The following SUCLG2 variants were observed in gnomAD, a reference collection of about 807,000 sequenced individuals.
The protein encoded by SUCLG2 is succinate-CoA ligase GDP-forming subunit beta, also known as succinate--CoA ligase [GDP-forming] subunit beta, mitochondrial.
In SUCLG2, 42 loss-of-function variants were observed where a neutral mutation model predicts 47.9. The ratio of observed to expected loss-of-function variants is 0.88; its 90% confidence interval spans 0.69 to 1.14. The LOEUF is 1.14. Ranked by LOEUF, SUCLG2 falls within the 50% of genes most tolerant of loss-of-function variation. The pLI is 0.00. For missense variants in SUCLG2, 571 were observed against 525.9 expected (o/e 1.09, Z -0.84); for synonymous variants, 195 against 197.3 (o/e 0.99, Z 0.10).
chr3:67,519,133 G>C (rs1229141192), intron 5 of SUCLG2, among the ~76,000 whole-genome samples: 1 of 152,024 alleles, frequency 6.6e-6, no homozygotes. Context: ...TCTTGTCTGA[G>C]TAGGTTTTCT....
intron 9 of SUCLG2, among the ~76,000 whole-genome samples, chr3:67,464,395 T>G (rs761835984): frequency 2.6e-5 from 4 of 152,194 alleles, no homozygotes; most frequent in Admixed American, 6.5e-5. Context: ...GATCTGGCAT[T>G]TCTTTCAAAT....
At chr3:67,437,697 G>T (rs1357891569) in intron 9 of SUCLG2, among the ~76,000 whole-genome samples, 1 of 151,842 alleles carries the variant, frequency 6.6e-6, no homozygotes, top group Non-Finnish European at 1.5e-5. Flanking sequence ...ATAAAATATG[G>T]ATTTAGGTGG....
At position 67,391,338 on chromosome 3, in the gene SUCLG2, C is replaced by T. The variant is rs145034185; in HGVS notation, c.1183+9393G>A. Among the ~76,000 whole-genome samples the T allele has an allele frequency of 5.3e-3, 803 of 152,142 alleles. 2 individuals carry two copies. The highest frequency in any genetic ancestry group is 0.018 in the African/African-American group (752 of 41,504). On this transcript the variant is annotated intron_variant, in intron 10 of 10. Coordinates refer to ENST00000307227, the MANE Select transcript of SUCLG2 (RefSeq NM_003848.4). The stretch of plus-strand genomic sequence containing the variant: ...GAGCCACAAATAGAAGAGTACAAAT[C>T]GTGTCCTTCTTAGCATGGACTCGGT...
chr3:67,620,164 A>G lies in SUCLG2; in HGVS notation c.85-10568T>C, dbSNP rs74611839. ...TGACATCCAAGATCTAGCAGTAATCAGCACAGACAAGTTCTTTGTGGTCAG... is the reference window on the plus strand; with the variant it reads ...TGACATCCAAGATCTAGCAGTAATCGGCACAGACAAGTTCTTTGTGGTCAG... On this transcript the variant is annotated intron_variant, in intron 1 of 10. Coordinates refer to ENST00000307227, the MANE Select transcript of SUCLG2 (RefSeq NM_003848.4). 2.5e-3 allele frequency among the ~76,000 whole-genome samples: 386 copies of G among 152,382 alleles called. 5 individuals carry two copies. Among genetic ancestry groups the G allele is most frequent in the African/African-American group, 9.0e-3 (373 of 41,590 alleles).
chr3:67,381,828 G>A (rs1239822930), intron 10 of SUCLG2, among the ~76,000 whole-genome samples: 3 of 152,106 alleles, frequency 2.0e-5, no homozygotes, highest in African/African-American at 7.2e-5. Context: ...TTAAAAATTC[G>A]TGACCTCCTT....
intron 2 of SUCLG2, among the ~76,000 whole-genome samples, chr3:67,551,422 C>T (rs1314758312): frequency 1.3e-5 from 2 of 152,280 alleles, no homozygotes; most frequent in Admixed American, 6.5e-5. Flanking sequence ...CCATGGCTGC[C>T]GCTAGTGCTG....
At chr3:67,521,886 T>C (rs1027936005) in intron 4 of SUCLG2, among the ~76,000 whole-genome samples, 3 of 152,074 alleles carry the variant, frequency 2.0e-5, no homozygotes, top group Non-Finnish European at 4.4e-5. Context: ...ACCAAACTGC[T>C]GGGATTACAG....
At chr3:67,487,785 G>A (rs1341199166) in intron 9 of SUCLG2, among the ~76,000 whole-genome samples, 3 of 152,162 alleles carry the variant, frequency 2.0e-5, no homozygotes, top group African/African-American at 7.2e-5. Flanking sequence ...AGCAATGCAT[G>A]TGAAAACCTT....
At chr3:67,397,693 A>C (rs1211257361) in intron 10 of SUCLG2, among the ~76,000 whole-genome samples, 1 of 152,212 alleles carries the variant, frequency 6.6e-6, no homozygotes, top group African/African-American at 2.4e-5. Context: ...TGGAACCAAA[A>C]AAGAGCCAGC....
At chr3:67,547,090 C>T (rs372011528) in intron 2 of SUCLG2, among the ~76,000 whole-genome samples, 1 of 152,154 alleles carries the variant, frequency 6.6e-6, no homozygotes. Context: ...GATATCCTAA[C>T]CCCCAGGTGA....
chr3:67,414,594 C>T (rs1290736383), intron 9 of SUCLG2, among the ~76,000 whole-genome samples: 4 of 152,178 alleles, frequency 2.6e-5, no homozygotes, highest in Non-Finnish European at 2.9e-5. Flanking sequence ...TGTTGCCATG[C>T]GAATGTAGGC....
At chr3:67,651,044 C>G (rs1276400982) in intron 1 of SUCLG2, among the ~76,000 whole-genome samples, 1 of 152,218 alleles carries the variant, frequency 6.6e-6, no homozygotes, top group African/African-American at 2.4e-5. Context: ...AACATGGCCC[C>G]TGTCTACCAG....
At chr3:67,493,588 G>A (rs1383580229) in intron 9 of SUCLG2, among the ~76,000 whole-genome samples, 2 of 152,086 alleles carry the variant, frequency 1.3e-5, no homozygotes, top group South Asian at 2.1e-4. Context: ...CTATTTCAAC[G>A]AAATCCAATG....
intron 2 of SUCLG2, among the ~76,000 whole-genome samples, chr3:67,585,339 T>C (rs1229431788): frequency 1.3e-5 from 2 of 152,262 alleles, no homozygotes; most frequent in African/African-American, 4.8e-5. Context: ...TCTCTTAAAT[T>C]AGTTGTGAAA....
At chr3:67,579,524 C>T (rs953787712) in intron 2 of SUCLG2, among the ~76,000 whole-genome samples, 9 of 152,074 alleles carry the variant, frequency 5.9e-5, no homozygotes, top group Admixed American at 2.6e-4. Context: ...GGGTAAAATT[C>T]GAACAGATGT....
chr3:67,461,003 A>G (rs1456116559), intron 9 of SUCLG2, among the ~76,000 whole-genome samples: 1 of 152,166 alleles, frequency 6.6e-6, no homozygotes, highest in Non-Finnish European at 1.5e-5. Context: ...GCCAGCACTC[A>G]GGTTCACTGC....
At chr3:67,437,038 T>A (rs1487639911) in intron 9 of SUCLG2, among the ~76,000 whole-genome samples, 1 of 152,170 alleles carries the variant, frequency 6.6e-6, no homozygotes, top group Non-Finnish European at 1.5e-5. Flanking sequence ...GACAGAGTCC[T>A]AACACTTAAA....
intron 2 of SUCLG2, among the ~76,000 whole-genome samples, chr3:67,574,929 T>C (rs896980679): frequency 3.9e-5 from 6 of 152,164 alleles, no homozygotes; most frequent in African/African-American, 1.4e-4. Flanking sequence ...TTTAGATGAA[T>C]GGTCAGTAAG....
chr3:67,386,500 G>T (rs187606232), intron 10 of SUCLG2, among the ~76,000 whole-genome samples: 424 of 152,272 alleles, frequency 2.8e-3, no homozygotes, highest in African/African-American at 9.6e-3. Context: ...CTGGGTAATT[G>T]ATAAAGGAAA....
Sources: allele counts gnomAD v4.1 joint callset (sites outside exome capture counted in the v4.1 genomes callset), GRCh38; gene constraint gnomAD v4.1.1; transcripts MANE v1.5; gene names NCBI Gene and HGNC (gene_info 2026-07-23, HGNC 2026-07-21).